The following AP1B1 variants were observed in gnomAD, a reference collection of about 807,000 sequenced individuals.
AP1B1 encodes the protein AP-1 complex subunit beta-1.
A neutral mutation model predicts 104.3 loss-of-function variants in AP1B1; 36 were observed. That is an observed-to-expected ratio of 0.35 (90% CI 0.26 to 0.46). The LOEUF (loss-of-function observed/expected upper bound fraction) is 0.46. AP1B1 is among the 20% of genes least tolerant of loss of function. AP1B1 has a pLI of 1.00. For missense variants in AP1B1, 901 were observed against 1,247.9 expected (o/e 0.72, Z 4.19); for synonymous variants, 504 against 517.5 (o/e 0.97, Z 0.35).
chr22:29,359,558 T>C (rs2062011844), intron 4 of AP1B1: 1 of 372,940 alleles, frequency 2.7e-6, no homozygotes, highest in Non-Finnish European at 4.8e-6. Flanking sequence ...TAGCAAAGCA[T>C]GCAGGGCAGG....
At chr22:29,380,237 G>A (rs2062415727) in intron 1 of AP1B1, among the ~76,000 whole-genome samples, 1 of 152,120 alleles carries the variant, frequency 6.6e-6, no homozygotes, top group Non-Finnish European at 1.5e-5. Flanking sequence ...GCCACTGTCT[G>A]CGCCTTCTCA....
At chr22:29,333,093 G>C (rs1036423448) in intron 17 of AP1B1, 1 of 154,214 alleles carries the variant, frequency 6.5e-6, no homozygotes, top group African/African-American at 2.4e-5. Flanking sequence ...TCACATGAGG[G>C]TAAGTGGTAG....
intron 1 of AP1B1, among the ~76,000 whole-genome samples, chr22:29,376,384 T>C (rs2062341568): frequency 6.6e-6 from 1 of 152,088 alleles, no homozygotes; most frequent in African/African-American, 2.4e-5. Context: ...AAGGAGACCA[T>C]CAGTGTGGTG....
intron 2 of AP1B1, among the ~76,000 whole-genome samples, chr22:29,363,919 C>T (rs1453464390): frequency 6.6e-6 from 1 of 151,952 alleles, no homozygotes; most frequent in Non-Finnish European, 1.5e-5. Flanking sequence ...TTAGAGGCCA[C>T]TCTGGATTGA....
intron 1 of AP1B1, among the ~76,000 whole-genome samples, chr22:29,380,433 T>C (rs1170474222): frequency 6.6e-6 from 1 of 152,012 alleles, no homozygotes; most frequent in Non-Finnish European, 1.5e-5. Flanking sequence ...ATGTCCAAAC[T>C]GTGTAACTGA....
At chr22:29,347,002 G>C (rs915980852) in intron 11 of AP1B1, among the ~76,000 whole-genome samples, 5 of 152,200 alleles carry the variant, frequency 3.3e-5, no homozygotes, top group African/African-American at 1.2e-4. Flanking sequence ...CCTGGCTCAG[G>C]ATAATGCAAA....
intron 1 of AP1B1, among the ~76,000 whole-genome samples, chr22:29,382,557 A>C (rs1373716893): frequency 6.6e-6 from 1 of 152,122 alleles, no homozygotes; most frequent in Non-Finnish European, 1.5e-5. Flanking sequence ...TAAAATATAT[A>C]ACATCTTAGA....
At chr22:29,368,797 C>T (rs2062184698) in intron 1 of AP1B1, among the ~76,000 whole-genome samples, 1 of 151,498 alleles carries the variant, frequency 6.6e-6, no homozygotes, top group Admixed American at 6.6e-5. Flanking sequence ...CAGTGGTGCA[C>T]ACCTGTAGTC....
intron 2 of AP1B1, among the ~76,000 whole-genome samples, chr22:29,364,166 T>C (rs1186491347): frequency 6.6e-6 from 1 of 152,230 alleles, no homozygotes; most frequent in East Asian, 1.9e-4. Context: ...TTTCCTGTTT[T>C]CCTCAAACCT....
intron 15 of AP1B1, 96 bp downstream of exon 15, chr22:29,339,658 C>CT: frequency 6.7e-6 from 9 of 1,349,464 alleles, no homozygotes; most frequent in Non-Finnish European, 9.3e-6. Flanking sequence ...GTGGAGGCTG[C>CT]TGTGACATCA....
At position 29,341,613 on chromosome 22, in the gene AP1B1, C is replaced by T. The variant is rs2061716476; in HGVS notation, c.1684G>A (p.Glu562Lys). The T allele has an allele frequency of 1.1e-5, 17 of 1,614,104 alleles. No homozygotes were observed. The highest frequency in any genetic ancestry group is 1.4e-5 in the Non-Finnish European group (16 of 1,180,054). Residue 562 changes from glutamate to lysine, a missense_variant, in exon 13 of 23, where the codon GAG (glutamate) becomes AAG (lysine). Around this residue, in one of 3 missense-constraint regions of AP1B1, gnomAD observed 471 missense variants for 696.7 expected, o/e 0.68. Coordinates refer to ENST00000357586, the MANE Select transcript of AP1B1 (RefSeq NM_001127.4). ...TDLIEPTLLD[E>K]LICYIGTLAS... ...AGCGTGCCGATGTAGCAGATAAGCT[C>T]GTCTAACAGTGTGGGCTCGATGAGG...
chr22:29,368,713 T>TGACG (rs3044030), intron 1 of AP1B1, among the ~76,000 whole-genome samples: 7,953 of 149,666 alleles, frequency 0.053, 325 homozygotes, highest in African/African-American at 0.11. Context: ...TTCCCCCTTC[T>TGACG]GACGAGGAGG....
intron 1 of AP1B1, among the ~76,000 whole-genome samples, chr22:29,381,061 G>A (rs879335153): frequency 6.6e-5 from 10 of 152,114 alleles, no homozygotes; most frequent in Admixed American, 6.5e-4. Flanking sequence ...AACACAACAT[G>A]CATCCACCCC....
intron 6 of AP1B1, 58 bp downstream of exon 6, chr22:29,356,368 A>G (rs1602743564): frequency 1.3e-6 from 2 of 1,530,214 alleles, no homozygotes; most frequent in Middle Eastern, 2.1e-4. Flanking sequence ...GCCTGGTTGG[A>G]GCCCCTGAGG....
Position 29,331,867 on chromosome 22 carries a change from G to C in AP1B1, c.2359C>G (p.Pro787Ala). ...AGGGAGATCTCCACTGTCTGGTTGG[G>C]GCTGAGTGGCGCGTGGACCTGGAGG... is the stretch of plus-strand genomic sequence containing the variant. ...APLQVHAPLS[P>A]NQTVEISLPL... is the part of the protein sequence containing the mutation. The change falls in exon 18 of 23, where the codon CCC (proline) becomes GCC (alanine). Residue 787 changes from proline (P) to alanine (A), a missense_variant. Coordinates refer to ENST00000357586, the MANE Select transcript of AP1B1 (RefSeq NM_001127.4). The C allele has an allele frequency of 1.2e-6, 2 of 1,613,548 alleles. No individual in the cohort carries two copies. Among genetic ancestry groups the C allele is most frequent in the Non-Finnish European group, 1.7e-6 (2 of 1,179,654 alleles).
At chr22:29,342,724 G>C (rs1368514873) in intron 11 of AP1B1, among the ~76,000 whole-genome samples, 2 of 152,238 alleles carry the variant, frequency 1.3e-5, no homozygotes, top group Non-Finnish European at 2.9e-5. Flanking sequence ...TGTGGCTGGA[G>C]TGCTTCTTAT....
intron 5 of AP1B1, among the ~76,000 whole-genome samples, chr22:29,358,487 A>T (rs539054618): frequency 6.6e-6 from 1 of 152,346 alleles, no homozygotes; most frequent in East Asian, 1.9e-4. Context: ...TGAAGAAAAG[A>T]GAGCCTAGGC....
intron 22 of AP1B1, 39 bp downstream of exon 22, chr22:29,329,672 TG>T (rs1489106309): frequency 5.0e-6 from 8 of 1,612,612 alleles, no homozygotes; most frequent in Non-Finnish European, 6.8e-6. Context: ...GAGACAAGAC[TG>T]GGGAGGGCGG....
At chr22:29,349,153 G>C in intron 11 of AP1B1, 65 bp downstream of exon 11, 1 of 1,578,990 alleles carries the variant, frequency 6.3e-7, no homozygotes, top group Admixed American at 1.7e-5. Flanking sequence ...TTTCATGGCA[G>C]TATGGGCCAC....
Sources: allele counts gnomAD v4.1 joint callset (sites outside exome capture counted in the v4.1 genomes callset), GRCh38; gene constraint gnomAD v4.1.1; regional missense constraint gnomAD v4.1.1; transcripts MANE v1.5; gene names NCBI Gene and HGNC (gene_info 2026-07-23, HGNC 2026-07-21).